CSNK2A2IP: variants seen among roughly 807,000 people sequenced by gnomAD.
The protein encoded by CSNK2A2IP is casein kinase 2 subunit alpha' interacting protein, also known as casein kinase II subunit alpha'-interacting protein.
At chr3:88,361,513 T>C in the CSNK2A2IP span, among the ~76,000 whole-genome samples, 62,593 of 152,090 alleles carry the variant, frequency 0.41, 14,811 homozygotes, top group South Asian at 0.6. Context: ...TTATGTGTCA[T>C]TTTCTTCCTT....
the CSNK2A2IP span, among the ~76,000 whole-genome samples, chr3:88,404,479 G>T: frequency 6.6e-6 from 1 of 152,076 alleles, no homozygotes; most frequent in African/African-American, 2.4e-5. Flanking sequence ...GGCCCAATTG[G>T]AATAAGTTTA....
the CSNK2A2IP span, among the ~76,000 whole-genome samples, chr3:88,359,593 A>G: frequency 1.3e-5 from 2 of 151,998 alleles, no homozygotes; most frequent in African/African-American, 4.8e-5. Context: ...AGTAAATGTT[A>G]AGTTTTCTTC....
chr3:88,362,768 T>C, the CSNK2A2IP span, among the ~76,000 whole-genome samples: 1 of 152,184 alleles, frequency 6.6e-6, no homozygotes, highest in African/African-American at 2.4e-5. Flanking sequence ...AGCAAAGGCC[T>C]GGAATAAGGA....
At chr3:88,431,620 AGAC>A in the CSNK2A2IP span, among the ~76,000 whole-genome samples, 33 of 152,228 alleles carry the variant, frequency 2.2e-4, no homozygotes, top group Admixed American at 2.2e-3. Flanking sequence ...AAATTAAAAA[AGAC>A]TAATTTATTA....
chr3:88,432,452 G>T, the CSNK2A2IP span, among the ~76,000 whole-genome samples: 1 of 151,596 alleles, frequency 6.6e-6, no homozygotes, highest in Non-Finnish European at 1.5e-5. Context: ...TAGTAATATT[G>T]TATTGTATAC....
the CSNK2A2IP span, among the ~76,000 whole-genome samples, chr3:88,395,756 A>G: frequency 2.0e-5 from 3 of 152,150 alleles, no homozygotes; most frequent in African/African-American, 4.8e-5. Flanking sequence ...TATAGCTCGA[A>G]TTATTTATTT....
the CSNK2A2IP span, among the ~76,000 whole-genome samples, chr3:88,362,896 C>G: frequency 1.3e-5 from 2 of 152,328 alleles, no homozygotes; most frequent in Admixed American, 6.5e-5. Context: ...CTGCGCTGCA[C>G]TACCTGGAGT....
the CSNK2A2IP span, among the ~76,000 whole-genome samples, chr3:88,427,581 C>T: frequency 1.3e-5 from 2 of 152,120 alleles, no homozygotes; most frequent in African/African-American, 4.8e-5. Context: ...TGATGCTTTG[C>T]GTAGTCTTGG....
the CSNK2A2IP span, chr3:88,338,580 G>A: frequency 6.6e-6 from 1 of 152,146 alleles, no homozygotes; most frequent in African/African-American, 2.4e-5. Context: ...AAAATTAAAT[G>A]AAGACCCAGG....
chr3:88,465,813 A>G, the CSNK2A2IP span: 35 of 1,231,358 alleles, frequency 2.8e-5, no homozygotes, highest in Non-Finnish European at 3.2e-5. Context: ...GTTTACAATT[A>G]CCCTTCTGTA....
At chr3:88,444,363 C>G in the CSNK2A2IP span, among the ~76,000 whole-genome samples, 5 of 152,048 alleles carry the variant, frequency 3.3e-5, no homozygotes, top group Admixed American at 1.3e-4. Flanking sequence ...TCAAAAAGTT[C>G]TAAAGCTTAT....
At chr3:88,465,569 C>A in the CSNK2A2IP span, 1 of 1,231,698 alleles carries the variant, frequency 8.1e-7, no homozygotes, top group East Asian at 3.2e-5. Flanking sequence ...TCAGTATTGC[C>A]TTCTCCCAAA....
chr3:88,447,409 C>T, the CSNK2A2IP span, among the ~76,000 whole-genome samples: 90 of 151,908 alleles, frequency 5.9e-4, no homozygotes, highest in African/African-American at 1.8e-3. Flanking sequence ...AATTTAGAAA[C>T]GTGTAAAACT....
chr3:88,365,499 C>T, the CSNK2A2IP span, among the ~76,000 whole-genome samples: 1 of 152,124 alleles, frequency 6.6e-6, no homozygotes, highest in South Asian at 2.1e-4. Flanking sequence ...GGTAAGGAAA[C>T]ATTCCCAGGT....
chr3:88,385,180 T>G, the CSNK2A2IP span, among the ~76,000 whole-genome samples: 8 of 152,104 alleles, frequency 5.3e-5, no homozygotes, highest in Admixed American at 1.3e-4. Context: ...ATCCAGTAAC[T>G]TCACATTGGT....
chr3:88,444,277 C>G, the CSNK2A2IP span, among the ~76,000 whole-genome samples: 1 of 152,086 alleles, frequency 6.6e-6, no homozygotes, highest in African/African-American at 2.4e-5. Context: ...TTACATTTAT[C>G]TTTAAAATTG....
chr3:88,409,577 T>A, the CSNK2A2IP span, among the ~76,000 whole-genome samples: 2 of 151,666 alleles, frequency 1.3e-5, no homozygotes, highest in Non-Finnish European at 2.9e-5. Context: ...TTATAGAGAG[T>A]GAGGCAAATA....
At chr3:88,390,681 A>C in the CSNK2A2IP span, among the ~76,000 whole-genome samples, 9 of 152,300 alleles carry the variant, frequency 5.9e-5, no homozygotes, top group South Asian at 1.7e-3. Context: ...GGTTGCACTT[A>C]TTTCATGGAG....
chr3:88,396,207 G>A, the CSNK2A2IP span, among the ~76,000 whole-genome samples: 18 of 148,404 alleles, frequency 1.2e-4, no homozygotes, highest in Admixed American at 9.6e-4. Flanking sequence ...TGGGGTTCAC[G>A]CCATTCTCCT....
Sources: allele counts gnomAD v4.1 joint callset (sites outside exome capture counted in the v4.1 genomes callset), GRCh38; gene constraint gnomAD v4.1.1; transcripts MANE v1.5; gene names NCBI Gene and HGNC (gene_info 2026-07-23, HGNC 2026-07-21).